The following MLLT10 variants were observed in gnomAD, a reference collection of about 807,000 sequenced individuals.
MLLT10 encodes the protein protein AF-10.
MLLT10 carries 30 observed loss-of-function variants against 129.1 expected under a neutral mutation model. The observed-to-expected ratio is 0.23, with a 90% CI of 0.17 to 0.32. MLLT10 has a LOEUF of 0.32. Among genes scored for constraint, MLLT10 ranks in the 10% least tolerant of loss-of-function variants. The probability of loss-of-function intolerance (pLI) is 1.00; values close to 1 mark genes in which losing one functional copy is unlikely to be tolerated. For missense variants in MLLT10, 1,119 were observed against 1,268.3 expected (o/e 0.88, Z 1.79); for synonymous variants, 490 against 446.4 (o/e 1.10, Z -1.23).
At chr10:21,560,248 G>T (rs1315596457) in intron 3 of MLLT10, among the ~76,000 whole-genome samples, 3 of 152,116 alleles carry the variant, frequency 2.0e-5, no homozygotes, top group Non-Finnish European at 4.4e-5. Flanking sequence ...CAGGTGATCT[G>T]CCCGGGCTGG....
chr10:21,626,715 T>C (rs998083304), intron 8 of MLLT10, among the ~76,000 whole-genome samples: 1 of 152,202 alleles, frequency 6.6e-6, no homozygotes, highest in African/African-American at 2.4e-5. Flanking sequence ...AATAAAACTC[T>C]CAGTCATATC....
intron 6 of MLLT10, among the ~76,000 whole-genome samples, chr10:21,613,133 G>C (rs2044825052): frequency 7.0e-6 from 1 of 143,010 alleles, no homozygotes; most frequent in African/African-American, 2.6e-5. Flanking sequence ...GGTGGAGTTT[G>C]CAGTGAACCG....
chr10:21,691,308 G>T (rs1357323819), intron 13 of MLLT10, among the ~76,000 whole-genome samples: 2 of 152,124 alleles, frequency 1.3e-5, no homozygotes, highest in East Asian at 3.8e-4. Flanking sequence ...TGTTTCTATA[G>T]ATGACTGATA....
intron 3 of MLLT10, among the ~76,000 whole-genome samples, chr10:21,568,723 C>T (rs1479585080): frequency 3.3e-5 from 5 of 152,086 alleles, no homozygotes; most frequent in African/African-American, 4.8e-5. Context: ...CTGCAAACTC[C>T]GCCTCCCGGG....
intron 16 of MLLT10, among the ~76,000 whole-genome samples, chr10:21,728,622 T>G (rs998936484): frequency 5.9e-5 from 9 of 152,150 alleles, no homozygotes; most frequent in African/African-American, 2.2e-4. Context: ...CTCCATGTTC[T>G]CTAATTTAGG....
At chr10:21,633,789 A>G (rs776049725) in intron 8 of MLLT10, among the ~76,000 whole-genome samples, 4 of 152,224 alleles carry the variant, frequency 2.6e-5, no homozygotes, top group Non-Finnish European at 5.9e-5. Context: ...TTGATTCTAT[A>G]TAGCCACAAT....
In MLLT10 at chr10:21,713,767, TGCAGG is replaced by T. The variant is rs1172612736; in HGVS notation, c.1700-4_1700del. On this transcript the variant is annotated splice_acceptor_variant and splice_polypyrimidine_tract_variant and coding_sequence_variant and intron_variant, in exon 14 of 23. Coordinates refer to ENST00000307729, the MANE Select transcript of MLLT10 (RefSeq NM_001195626.3). LOFTEE classifies it high-confidence loss of function. ...TATATTTAAATAACATTTGTTTTTT[TGCAGG>T]TATTTATAACAGCAATGATGTAGCA... 3 of 1,602,956 alleles carry T rather than the reference TGCAGG, an allele frequency of 1.9e-6. No individual in the cohort carries two copies. Among genetic ancestry groups the T allele is most frequent in the South Asian group, 1.1e-5 (1 of 89,288 alleles).
chr10:21,591,825 G>T (rs2042539392), intron 4 of MLLT10, among the ~76,000 whole-genome samples: 1 of 151,510 alleles, frequency 6.6e-6, no homozygotes, highest in Non-Finnish European at 1.5e-5. Flanking sequence ...CCAGGTTCAA[G>T]CAGTCCTGCC....
chr10:21,534,859 C>G, intron 2 of MLLT10, 55 bp downstream of exon 2: 1 of 1,327,248 alleles, frequency 7.5e-7, no homozygotes, highest in Non-Finnish European at 9.8e-7. Context: ...CGGTCACCGC[C>G]GCCCCCACCT....
At chr10:21,693,645 A>C (rs1437035240) in intron 13 of MLLT10, among the ~76,000 whole-genome samples, 1 of 152,108 alleles carries the variant, frequency 6.6e-6, no homozygotes, top group Non-Finnish European at 1.5e-5. Flanking sequence ...GATTGAGAGA[A>C]TTCATGCGTT....
chr10:21,700,398 T>A (rs927096079), intron 13 of MLLT10, among the ~76,000 whole-genome samples: 2 of 152,172 alleles, frequency 1.3e-5, no homozygotes, highest in Admixed American at 6.5e-5. Context: ...TTGTCAATAT[T>A]ATGTTGAATA....
chr10:21,695,417 G>A (rs981442671), intron 13 of MLLT10, among the ~76,000 whole-genome samples: 1 of 152,274 alleles, frequency 6.6e-6, no homozygotes, highest in South Asian at 2.1e-4. Flanking sequence ...ACCTAGATTA[G>A]CGTTTCATTG....
intron 8 of MLLT10, among the ~76,000 whole-genome samples, chr10:21,618,909 A>G (rs1321571914): frequency 6.6e-6 from 1 of 151,848 alleles, no homozygotes; most frequent in African/African-American, 2.4e-5. Flanking sequence ...ATTTATTTGT[A>G]TTTTTAGTAG....
intron 9 of MLLT10, among the ~76,000 whole-genome samples, chr10:21,662,901 T>C (rs542258531): frequency 1.1e-4 from 17 of 152,298 alleles, no homozygotes; most frequent in East Asian, 3.9e-4. Context: ...GTGAACTGCA[T>C]AGGGGCTTCT....
At chr10:21,734,154 G>GT (rs769983721) in intron 20 of MLLT10, 25 bp downstream of exon 20, 3 of 1,566,270 alleles carry the variant, frequency 1.9e-6, no homozygotes, top group South Asian at 2.4e-5. Context: ...TATGTTTTGG[G>GT]TTTTTTAGTA....
chr10:21,624,942 CT>C, intron 8 of MLLT10: 2 of 1,316,712 alleles, frequency 1.5e-6, no homozygotes, highest in Non-Finnish European at 2.1e-6. Flanking sequence ...TGGTGCTCCC[CT>C]CCCCCTTGGT....
chr10:21,721,383 G>GA (rs1221721928), intron 14 of MLLT10, among the ~76,000 whole-genome samples: 2 of 152,040 alleles, frequency 1.3e-5, no homozygotes, highest in African/African-American at 2.4e-5. Context: ...CATTAGGCAG[G>GA]AAAAAAATCT....
chr10:21,543,559 A>T (rs746604113), intron 3 of MLLT10, among the ~76,000 whole-genome samples: 1 of 150,424 alleles, frequency 6.6e-6, no homozygotes, highest in Admixed American at 6.6e-5. Flanking sequence ...GCTCACTGCA[A>T]CCTCCGCCTC....
chr10:21,545,757 C>T (rs930279734), intron 3 of MLLT10, among the ~76,000 whole-genome samples: 1 of 152,198 alleles, frequency 6.6e-6, no homozygotes, highest in Non-Finnish European at 1.5e-5. Flanking sequence ...ACATCGAACT[C>T]TGGGGCTCAA....
Sources: gnomAD v4.1 joint callset for allele counts (sites outside exome capture counted in the v4.1 genomes callset) on GRCh38, gnomAD v4.1.1 for gene constraint, MANE v1.5 for transcripts, NCBI Gene and HGNC (gene_info 2026-07-23, HGNC 2026-07-21) for gene names.